Variants in ADGRG7 observed in about 807,000 individuals in gnomAD.
ADGRG7 encodes adhesion G protein-coupled receptor G7.
ADGRG7 carries 82 observed loss-of-function variants against 88.6 expected under a neutral mutation model. The observed-to-expected ratio is 0.93, with a 90% CI of 0.77 to 1.11. The LOEUF is 1.11. Ranked by LOEUF, ADGRG7 falls within the 50% of genes most tolerant of loss-of-function variation. ADGRG7 has a pLI of 0.00. For synonymous variants in ADGRG7, 381 were observed against 345.2 expected, an observed-to-expected ratio of 1.10 and a Z score of -1.15; for missense variants, 945 against 953.4, an observed-to-expected ratio of 0.99 and a Z score of 0.12.
rs541007005 is a variant in ADGRG7, at chr3:100,629,726, A to T, written c.229+15A>T. ...ATGTACAATTGGTAAATTACTTGGG[A>T]TAATGCTAAAGTGTAAGGTTTACGT... On this transcript the variant is annotated intron_variant, in intron 2 of 15. Transcript: ENST00000273352. 7.2e-6 allele frequency: 11 copies of T among 1,518,232 alleles called. No homozygotes were observed. The highest frequency in any genetic ancestry group is 3.3e-5 in the Admixed American group (2 of 59,800). 94.0% of individuals were successfully genotyped at this position (1,518,232 alleles called of 1,614,324 possible).
At position 100,694,964 on chromosome 3, in the gene ADGRG7, C is replaced by G; in HGVS notation, c.2357C>G (p.Thr786Arg). 6.2e-7 allele frequency: 1 copy of G among 1,614,170 alleles called. No individual in the cohort carries two copies. Among genetic ancestry groups the G allele is most frequent in the Non-Finnish European group, 8.5e-7 (1 of 1,180,008 alleles). The change falls in exon 16 of 16, where the codon ACA becomes AGA. Residue 786 changes from threonine (T) to arginine (R), a missense_variant. By Grantham distance (71) the Thr-to-Arg change is moderately conservative (BLOSUM62 -1). Coordinates refer to ENST00000273352, the MANE Select transcript of ADGRG7 (RefSeq NM_032787.3). ...LETSPSTEEI[T>R]LSESDNAKES... Reference sequence around the variant, plus strand: ...ACCTCTCCGAGTACTGAGGAAATCACACTCTCTGAAAGTGACAATGCAAAG... The same window carrying G: ...ACCTCTCCGAGTACTGAGGAAATCAGACTCTCTGAAAGTGACAATGCAAAG...
chr3:100,664,409 C>T (rs1356658035), intron 14 of ADGRG7, among the ~76,000 whole-genome samples: 1 of 152,076 alleles, frequency 6.6e-6, no homozygotes, highest in African/African-American at 2.4e-5. Context: ...ATGCTATTTT[C>T]CATAAGGAGA....
rs552227636 is a variant in ADGRG7, at chr3:100,611,519, G to A, written c.115+1548G>A. 3.3e-4 allele frequency among the ~76,000 whole-genome samples: 50 copies of A among 152,284 alleles called. No homozygotes were observed. The South Asian group carries it at 6.0e-3, about 18-fold the overall frequency. On this transcript the variant is annotated intron_variant, in intron 1 of 15. Coordinates refer to ENST00000273352, the MANE Select transcript of ADGRG7 (RefSeq NM_032787.3). ...CCTGAAAGTTCAAGGCTTGGGGGGA[G>A]TTGCTGAAAATAAATACAAAATATA... is the stretch of plus-strand genomic sequence containing the variant.
chr3:100,685,450 G>A (rs1334897241), intron 15 of ADGRG7, among the ~76,000 whole-genome samples: 1 of 151,904 alleles, frequency 6.6e-6, no homozygotes, highest in Middle Eastern at 3.2e-3. Context: ...ATGTATACAT[G>A]TGCCATGTTG....
chr3:100,654,744 T>C, intron 11 of ADGRG7, 91 bp from the exon 12 acceptor site: 2 of 761,108 alleles, frequency 2.6e-6, no homozygotes, highest in South Asian at 2.0e-5. Context: ...TGGGCAATAA[T>C]ATTCTTTGTT....
chr3:100,642,826 T>A (rs1707667026), intron 6 of ADGRG7, among the ~76,000 whole-genome samples: 1 of 152,184 alleles, frequency 6.6e-6, no homozygotes, highest in Non-Finnish European at 1.5e-5. Context: ...AACGAACAAC[T>A]TACAAAACAT....
At chr3:100,665,647 A>G (rs1218978014) in intron 14 of ADGRG7, among the ~76,000 whole-genome samples, 2 of 152,262 alleles carry the variant, frequency 1.3e-5, no homozygotes, top group East Asian at 1.9e-4. Flanking sequence ...ATAAACATTA[A>G]AAGTATGTTT....
In ADGRG7 at chr3:100,685,718, G is replaced by A. The variant is rs552559464; in HGVS notation, c.2137-9026G>A. ...AGGACATGAACTCATCATTTTTTAC[G>A]GCTGCATAGTATTCCATGGTGTATA... On this transcript the variant is annotated intron_variant, in intron 15 of 15. Transcript: ENST00000273352. Among the ~76,000 whole-genome samples, 20 of 152,102 alleles carry A rather than the reference G, an allele frequency of 1.3e-4. No homozygotes were observed. The East Asian group carries it at 1.4e-3, about 10-fold the overall frequency.
chr3:100,676,163 T>C (rs1011415704), intron 15 of ADGRG7, among the ~76,000 whole-genome samples: 4 of 152,188 alleles, frequency 2.6e-5, no homozygotes, highest in African/African-American at 9.6e-5. Context: ...TGCTCTTGCT[T>C]TTCCAGTTCC....
At position 100,694,725 on chromosome 3, in the gene ADGRG7, A is replaced by G; in HGVS notation, c.2137-19A>G. On this transcript the variant is annotated intron_variant, in intron 15 of 15. Transcript: ENST00000273352. ...TATCTCAGCACTTACCCAACATTAA[A>G]CTTTTGTTCTATCTGCAGGGATTGC... 2 of 1,608,098 alleles carry G rather than the reference A, an allele frequency of 1.2e-6. No individual in the cohort carries two copies. The highest frequency in any genetic ancestry group is 8.5e-7 in the Non-Finnish European group (1 of 1,175,956).
Position 100,611,568 on chromosome 3 carries a change from G to A in ADGRG7, c.115+1597G>A, listed in dbSNP as rs1576308870. Among the ~76,000 whole-genome samples the A allele has an allele frequency of 3.9e-5, 6 of 152,196 alleles. 1 individual carries two copies. In the South Asian group the frequency reaches 1.2e-3, roughly 32 times the overall value. On this transcript the variant is annotated intron_variant, in intron 1 of 15. Coordinates refer to ENST00000273352, the MANE Select transcript of ADGRG7 (RefSeq NM_032787.3). The stretch of plus-strand genomic sequence containing the variant: ...TATTCCCGAACTTTCTGAGTACTAA[G>A]ATCCAAAAGGAGGCATAATAAGTAA...
Position 100,609,610 on chromosome 3 carries a change from A to T in ADGRG7, c.-247A>T. 1 of 369,260 alleles carries T rather than the reference A, an allele frequency of 2.7e-6. No homozygotes were observed. The allele number at this position is 369,260 out of a possible 1,614,324, so 22.9% of individuals were successfully genotyped here. ...TCCCATAACTCTAATCACTTTTTTCATGTTCTCCTTGAGTGAAGGATGAGG... is the reference window on the plus strand; with the variant it reads ...TCCCATAACTCTAATCACTTTTTTCTTGTTCTCCTTGAGTGAAGGATGAGG... On this transcript the variant is annotated 5_prime_UTR_variant, in exon 1 of 16. The change abolishes an upstream ATG in the 5' untranslated region. Coordinates refer to ENST00000273352, the MANE Select transcript of ADGRG7 (RefSeq NM_032787.3).
At chr3:100,678,096 A>G (rs1459044746) in intron 15 of ADGRG7, among the ~76,000 whole-genome samples, 1 of 151,660 alleles carries the variant, frequency 6.6e-6, no homozygotes, top group Non-Finnish European at 1.5e-5. Flanking sequence ...TCTTGTGGGC[A>G]TGCATCATTA....
chr3:100,637,416 C>T lies in ADGRG7; in HGVS notation c.698+14C>T, dbSNP rs1292527155. 2 of 1,588,908 alleles carry T rather than the reference C, an allele frequency of 1.3e-6. No homozygotes were observed. Among genetic ancestry groups the T allele is most frequent in the Non-Finnish European group, 1.7e-6 (2 of 1,157,902 alleles). ...TGCCCTTACAACGTAAGCACAAATT[C>T]AATTTGGAAAGAAAACTTGACTAAG... On this transcript the variant is annotated intron_variant, in intron 6 of 15. Transcript: ENST00000273352.
At chr3:100,654,192 A>T (rs1373824831) in intron 11 of ADGRG7, 3 of 152,154 alleles carry the variant, frequency 2.0e-5, no homozygotes, top group African/African-American at 7.2e-5. Context: ...GTACACCTTT[A>T]TACTAGGTTG....
At chr3:100,626,512 C>A (rs557525654) in intron 1 of ADGRG7, among the ~76,000 whole-genome samples, 1 of 152,206 alleles carries the variant, frequency 6.6e-6, no homozygotes, top group South Asian at 2.1e-4. Flanking sequence ...CGGGGTCAGG[C>A]ATGGTGGCTC....
chr3:100,675,457 A>G (rs2094963851), intron 15 of ADGRG7, among the ~76,000 whole-genome samples: 1 of 152,150 alleles, frequency 6.6e-6, no homozygotes, highest in African/African-American at 2.4e-5. Context: ...CTTTGTCATG[A>G]TGAATGACCT....
At position 100,609,949 on chromosome 3, in the gene ADGRG7, G is replaced by A. The variant is rs751806868; in HGVS notation, c.93G>A (p.Arg31=). 10 of 1,613,506 alleles carry A rather than the reference G, an allele frequency of 6.2e-6. No homozygotes were observed. In the Admixed American group the frequency reaches 1.5e-4, roughly 24 times the overall value. Residue 31 remains arginine (R), a synonymous_variant, in exon 1 of 16, where the codon AGG becomes AGA. Transcript: ENST00000273352. ...TCATTTTGGGACTGGGCATCTGGAG[G>A]ATTGTGATCAGGATCCAAAGAGGTA... The part of the protein sequence containing the change: ...TGIILGLGIW[R]IVIRIQRGKS...
chr3:100,661,402 C>CT, intron 14 of ADGRG7, among the ~76,000 whole-genome samples: 1 of 152,280 alleles, frequency 6.6e-6, no homozygotes, highest in East Asian at 1.9e-4. Flanking sequence ...GGGACTATAT[C>CT]TTTTTTTCTT....
Sources: allele counts gnomAD v4.1 joint callset (sites outside exome capture counted in the v4.1 genomes callset), GRCh38; gene constraint gnomAD v4.1.1; transcripts MANE v1.5; gene names NCBI Gene and HGNC (gene_info 2026-07-23, HGNC 2026-07-21).